GALNT14: variants seen among roughly 807,000 people sequenced by gnomAD.
GALNT14 encodes the protein polypeptide N-acetylgalactosaminyltransferase 14, also known as UDP-GalNAc:polypeptide N-acetylgalactosaminyltransferase 14.
GALNT14 carries 60 observed loss-of-function variants against 77.5 expected under a neutral mutation model. The observed-to-expected ratio is 0.77, with a 90% CI of 0.63 to 0.96. GALNT14 has a LOEUF of 0.96. Ranked by LOEUF, GALNT14 falls within the 40% of genes least tolerant of loss-of-function variation. The probability of loss-of-function intolerance (pLI) is 0.00; values close to 1 mark genes in which losing one functional copy is unlikely to be tolerated. For missense variants in GALNT14, 710 were observed against 731.0 expected, an observed-to-expected ratio of 0.97 and a Z score of 0.33; for synonymous variants, 280 against 281.7, an observed-to-expected ratio of 0.99 and a Z score of 0.06.
chr2:30,958,697 A>T (rs1282058248), intron 3 of GALNT14, among the ~76,000 whole-genome samples: 2 of 152,118 alleles, frequency 1.3e-5, no homozygotes, highest in African/African-American at 4.8e-5. Flanking sequence ...CCCAGGAGTT[A>T]ACCTCGGCAA....
intron 1 of GALNT14, among the ~76,000 whole-genome samples, chr2:31,078,359 C>G (rs4952048): frequency 0.032 from 4,880 of 152,312 alleles, 241 homozygotes; most frequent in East Asian, 0.25. Flanking sequence ...ATCATAAGTT[C>G]ACCTGGTCAG....
chr2:31,043,464 G>C (rs778058578), intron 1 of GALNT14, among the ~76,000 whole-genome samples: 8 of 152,324 alleles, frequency 5.3e-5, no homozygotes, highest in Non-Finnish European at 1.0e-4. Context: ...TAATGAATGA[G>C]TGAAGAAGAA....
chr2:30,984,472 T>G (rs1473501594), intron 2 of GALNT14, among the ~76,000 whole-genome samples: 1 of 152,206 alleles, frequency 6.6e-6, no homozygotes, highest in Non-Finnish European at 1.5e-5. Context: ...AGTGTGAACA[T>G]GGAAGCATTC....
rs561534157 is a variant in GALNT14 at position 31,083,708 on chromosome 2, A to G, written c.129+54250T>C. On this transcript the variant is annotated intron_variant, in intron 1 of 14. Coordinates refer to ENST00000349752, the MANE Select transcript of GALNT14 (RefSeq NM_024572.4). ...GCCTCCTTGGACGTGTCTTTGTGGA[A>G]AGGTGTAGGTGCCTGGCTAGGAATG... Among the ~76,000 whole-genome samples the G allele has an allele frequency of 7.8e-4, 119 of 152,284 alleles. 1 individual carries two copies. Among genetic ancestry groups the G allele is most frequent in the African/African-American group, 2.7e-3 (112 of 41,554 alleles).
intron 2 of GALNT14, among the ~76,000 whole-genome samples, chr2:30,990,028 A>G (rs1336400391): frequency 1.3e-5 from 2 of 151,914 alleles, no homozygotes; most frequent in African/African-American, 4.8e-5. Context: ...AACTTAGGTA[A>G]AAAGCAGAGG....
intron 2 of GALNT14, among the ~76,000 whole-genome samples, chr2:30,992,169 T>C (rs116366946): frequency 2.6e-5 from 4 of 152,070 alleles, no homozygotes; most frequent in Admixed American, 1.3e-4. Context: ...TATGACTCTA[T>C]AAAGGGTCGG....
At chr2:31,106,761 C>T (rs963394385) in intron 1 of GALNT14, among the ~76,000 whole-genome samples, 16 of 151,942 alleles carry the variant, frequency 1.1e-4, no homozygotes, top group Admixed American at 6.5e-5. Flanking sequence ...GTGGCTCTTG[C>T]TGACATTCTT....
the GALNT14 span, among the ~76,000 whole-genome samples, chr2:30,890,170 T>C: frequency 6.6e-6 from 1 of 152,194 alleles, no homozygotes; most frequent in Non-Finnish European, 1.5e-5. Context: ...GTGGTCTACA[T>C]GCTGAGGGCG....
chr2:30,916,270 TTTGAG>T lies in GALNT14; in HGVS notation c.1381-3933_1381-3929del, dbSNP rs1664673760. Among the ~76,000 whole-genome samples, 11 of 152,342 alleles carry T rather than the reference TTTGAG, an allele frequency of 7.2e-5. 1 individual carries two copies. The South Asian group carries it at 2.3e-3, about 32-fold the overall frequency. Reference sequence around the variant, plus strand: ...TATAAGCTCTGAAAAACTTTGTAATTTTGAGTTGGTCTGGTGATAATTTCCAGGTT... The same window carrying T: ...TATAAGCTCTGAAAAACTTTGTAATTTTGGTCTGGTGATAATTTCCAGGTT... On this transcript the variant is annotated intron_variant, in intron 13 of 14. Coordinates refer to ENST00000349752, the MANE Select transcript of GALNT14 (RefSeq NM_024572.4).
chr2:30,915,657 C>G (rs1247954020), intron 13 of GALNT14, among the ~76,000 whole-genome samples: 6 of 152,216 alleles, frequency 3.9e-5, no homozygotes, highest in African/African-American at 1.4e-4. Context: ...GGTTGCTCAG[C>G]AGGTCTGGCC....
At chr2:30,999,203 C>A (rs1405952363) in intron 1 of GALNT14, among the ~76,000 whole-genome samples, 1 of 152,220 alleles carries the variant, frequency 6.6e-6, no homozygotes, top group Non-Finnish European at 1.5e-5. Context: ...CATGCCACTG[C>A]CCCATGGACA....
chr2:31,084,447 C>T (rs549754368), intron 1 of GALNT14, among the ~76,000 whole-genome samples: 1 of 152,278 alleles, frequency 6.6e-6, no homozygotes, highest in East Asian at 1.9e-4. Flanking sequence ...ACCAGGCAGC[C>T]AGCATGGCAT....
chr2:31,033,859 A>G (rs1206389051), intron 1 of GALNT14, among the ~76,000 whole-genome samples: 1 of 152,172 alleles, frequency 6.6e-6, no homozygotes, highest in Non-Finnish European at 1.5e-5. Flanking sequence ...GGATGTTCTC[A>G]CTATTGAAAA....
chr2:31,077,932 A>G (rs545165935), intron 1 of GALNT14, among the ~76,000 whole-genome samples: 104 of 152,348 alleles, frequency 6.8e-4, no homozygotes, highest in African/African-American at 2.3e-3. Context: ...AGGAATGTAT[A>G]GTAGGTTACA....
chr2:30,999,680 T>A (rs1393923798), intron 1 of GALNT14, among the ~76,000 whole-genome samples: 1 of 152,222 alleles, frequency 6.6e-6, no homozygotes, highest in Non-Finnish European at 1.5e-5. Flanking sequence ...TCTGTGAAAA[T>A]GCTGTGCCTA....
At chr2:31,029,983 T>C (rs562648871) in intron 1 of GALNT14, among the ~76,000 whole-genome samples, 1 of 152,274 alleles carries the variant, frequency 6.6e-6, no homozygotes, top group African/African-American at 2.4e-5. Context: ...AGTTCTTCTC[T>C]GCTCTGCGCA....
In GALNT14 at chr2:31,138,170, G is replaced by A; in HGVS notation, c.-84C>T. On this transcript the variant is annotated 5_prime_UTR_variant, in exon 1 of 15. Coordinates refer to ENST00000349752, the MANE Select transcript of GALNT14 (RefSeq NM_024572.4). ...CAGGGTTGGCGGGGCAGGAGTCCTG[G>A]CGAGCGCCTCGCTCTGGGGAGCTCT... The A allele has an allele frequency of 6.3e-7, 1 of 1,576,110 alleles. No individual in the cohort carries two copies. Among genetic ancestry groups the A allele is most frequent in the Non-Finnish European group, 8.7e-7 (1 of 1,150,674 alleles).
At chr2:31,067,721 G>A (rs1338162991) in intron 1 of GALNT14, among the ~76,000 whole-genome samples, 2 of 152,136 alleles carry the variant, frequency 1.3e-5, no homozygotes, top group African/African-American at 4.8e-5. Context: ...TCCATACAGC[G>A]CTCTGCTTCT....
intron 1 of GALNT14, among the ~76,000 whole-genome samples, chr2:31,057,025 G>T (rs972377201): frequency 6.6e-6 from 1 of 151,988 alleles, no homozygotes; most frequent in African/African-American, 2.4e-5. Flanking sequence ...GAATTAACAC[G>T]GGAACAGAAA....
Sources: allele counts gnomAD v4.1 joint callset (sites outside exome capture counted in the v4.1 genomes callset), GRCh38; gene constraint gnomAD v4.1.1; transcripts MANE v1.5; gene names NCBI Gene and HGNC (gene_info 2026-07-23, HGNC 2026-07-21).